FAM107A: variants seen among roughly 807,000 people sequenced by gnomAD.
The protein encoded by FAM107A is family with sequence similarity 107 member A.
Under a neutral mutation model 13.7 loss-of-function variants are expected in FAM107A, and 19 were observed. That is an observed-to-expected ratio of 1.38 (90% CI 0.97 to 2.03). The LOEUF (loss-of-function observed/expected upper bound fraction) is 2.03. Among genes scored for constraint, FAM107A ranks in the 30% most tolerant of loss-of-function variants. FAM107A has a pLI of 0.00. For missense variants in FAM107A, 203 were observed against 184.4 expected (o/e 1.10, Z -0.58); for synonymous variants, 82 against 74.5 (o/e 1.10, Z -0.52).
intron 1 of FAM107A, among the ~76,000 whole-genome samples, chr3:58,614,076 C>T (rs1000504019): frequency 3.3e-5 from 5 of 152,120 alleles, no homozygotes; most frequent in Admixed American, 3.3e-4. Flanking sequence ...CTGACTCTGG[C>T]CTGGCTCTGG....
upstream of FAM107A, among the ~76,000 whole-genome samples, chr3:58,579,000 G>T (rs2063751642): frequency 6.6e-6 from 1 of 152,204 alleles, no homozygotes; most frequent in South Asian, 2.1e-4. Flanking sequence ...TAATATCCCT[G>T]CTGTCAGGGA....
chr3:58,620,287 C>T (rs2065941319), intron 1 of FAM107A, among the ~76,000 whole-genome samples: 1 of 152,076 alleles, frequency 6.6e-6, no homozygotes, highest in Non-Finnish European at 1.5e-5. Context: ...TCATGGGGTC[C>T]CTGAGGAACT....
At chr3:58,606,959 G>C (rs1021653965) in intron 1 of FAM107A, 1 of 152,236 alleles carries the variant, frequency 6.6e-6, no homozygotes, top group Non-Finnish European at 1.5e-5. Context: ...AGCCCTGAGA[G>C]AGGGACTAGG....
intron 1 of FAM107A, among the ~76,000 whole-genome samples, chr3:58,606,269 T>C (rs148053422): frequency 2.0e-5 from 3 of 152,272 alleles, no homozygotes; most frequent in Admixed American, 2.0e-4. Context: ...CTAATTTTTG[T>C]ATTTTTAGTA....
chr3:58,599,126 G>C (rs1182760413), intron 1 of FAM107A, among the ~76,000 whole-genome samples: 1 of 152,042 alleles, frequency 6.6e-6, no homozygotes, highest in Non-Finnish European at 1.5e-5. Context: ...ATTTTTAGTA[G>C]AGATGGGTTT....
chr3:58,577,326 T>C lies in FAM107A; in HGVS notation c.-23A>G. The C allele has an allele frequency of 1.0e-6, 1 of 985,334 alleles. No homozygotes were observed. Among genetic ancestry groups the C allele is most frequent in the Non-Finnish European group, 1.2e-6 (1 of 829,912 alleles). The allele number at this position is 985,334 out of a possible 1,614,324, so 61.0% of individuals were successfully genotyped here. On this transcript the variant is annotated 5_prime_UTR_variant, in exon 1 of 4. Coordinates refer to ENST00000360997, the MANE Select transcript of FAM107A (RefSeq NM_001076778.3). This position sits in a 1 kb window ranked among gnomAD's most constrained non-coding sequence, Gnocchi z 4.9. ...GGTCTTACTTCTCAGGTCGAGTCCT[T>C]GGGAAGGGAAGTCAGGAGCGTGTTG...
chr3:58,583,173 A>AAC (rs1362250389), intron 1 of FAM107A, among the ~76,000 whole-genome samples: 2 of 152,314 alleles, frequency 1.3e-5, no homozygotes, highest in South Asian at 2.1e-4. Flanking sequence ...AACAGTGTAA[A>AAC]ACACACACAC....
rs1284908190 is a variant in FAM107A, at chr3:58,613,849, G to T, written c.-70+13567C>A. On this transcript the variant is annotated intron_variant, in intron 1 of 3. Transcript: ENST00000465970. This position sits in a 1 kb window ranked among gnomAD's most constrained non-coding sequence, Gnocchi z 4.6. ...AGAAGGCGGAAGTCCAGCCCTTACGGCCTGTCCAAGGTCTATACGTTACAT... is the reference window on the plus strand; with the variant it reads ...AGAAGGCGGAAGTCCAGCCCTTACGTCCTGTCCAAGGTCTATACGTTACAT... Among the ~76,000 whole-genome samples the T allele has an allele frequency of 6.6e-6, 1 of 152,202 alleles. No homozygotes were observed. Among genetic ancestry groups the T allele is most frequent in the Non-Finnish European group, 1.5e-5 (1 of 68,032 alleles).
intron 1 of FAM107A, chr3:58,627,029 AG>A: frequency 9.8e-6 from 15 of 1,535,488 alleles, no homozygotes; most frequent in Non-Finnish European, 1.3e-5. Context: ...GGTGGGCTGC[AG>A]GGGCCAGGCT....
chr3:58,596,465 C>T (rs939641350), intron 1 of FAM107A, among the ~76,000 whole-genome samples: 4 of 152,120 alleles, frequency 2.6e-5, no homozygotes, highest in African/African-American at 9.7e-5. Flanking sequence ...ATGGCGTGAG[C>T]TCAGGAGTTC....
At chr3:58,581,792 G>A (rs934971484), upstream of FAM107A, among the ~76,000 whole-genome samples, 2 of 152,254 alleles carry the variant, frequency 1.3e-5, no homozygotes. Context: ...ATGGGAAAGT[G>A]AGAGGGGGTG....
chr3:58,598,919 T>C (rs2065729193), intron 1 of FAM107A, among the ~76,000 whole-genome samples: 1 of 152,120 alleles, frequency 6.6e-6, no homozygotes, highest in South Asian at 2.1e-4. Flanking sequence ...AGTTGGACAT[T>C]TAGGTTGCTT....
chr3:58,588,652 A>G (rs940195357), upstream of FAM107A, among the ~76,000 whole-genome samples: 1 of 152,134 alleles, frequency 6.6e-6, no homozygotes, highest in South Asian at 2.1e-4. Context: ...ATTATATCCA[A>G]TTTACAGTTC....
At position 58,566,678 on chromosome 3, in the gene FAM107A, C is replaced by T; in HGVS notation, c.345G>A (p.Glu115=). ...QRLNQLEKPP[E]KEEDHAPEFI... is the part of the protein sequence containing the mutation. The stretch of plus-strand genomic sequence containing the variant: ...ACTCGGGGGCGTGATCCTCTTCCTT[C>T]TCTGGTGGTTTTTCCAGCTGAAGGA... The change falls in exon 4 of 4, where the codon GAG becomes GAA. Residue 115 remains glutamate (E), a synonymous_variant. Coordinates refer to ENST00000360997, the MANE Select transcript of FAM107A (RefSeq NM_001076778.3). The T allele has an allele frequency of 6.2e-7, 1 of 1,613,890 alleles. No individual in the cohort carries two copies. Among genetic ancestry groups the T allele is most frequent in the African/African-American group, 1.3e-5 (1 of 75,048 alleles).
Position 58,566,445 on chromosome 3 carries a change from C to T in FAM107A, c.*143G>A. On this transcript the variant is annotated 3_prime_UTR_variant, in exon 4 of 4. Coordinates refer to ENST00000360997, the MANE Select transcript of FAM107A (RefSeq NM_001076778.3). ...CCAGCCTCCCAGGGAGAGCCAGGCC[C>T]TCTGGGGTGACACATTTCTACAGAA... The T allele has an allele frequency of 1.5e-6, 1 of 656,500 alleles. No individual in the cohort carries two copies. The allele number at this position is 656,500 out of a possible 1,614,324, so 40.7% of individuals were successfully genotyped here. A position where few individuals can be genotyped will look rare whatever the true frequency, so the allele number is the denominator to read the frequency against.
rs199811140 is a variant in FAM107A at position 58,619,005 on chromosome 3, AT to A, written c.-70+8410del. 3.8e-3 allele frequency among the ~76,000 whole-genome samples: 572 copies of A among 151,596 alleles called. 2 individuals are homozygous for A. The highest frequency in any genetic ancestry group is 0.013 in the African/African-American group (542 of 41,338). The stretch of plus-strand genomic sequence containing the variant: ...AGTCTGAGGCAGAAACATAGTTGTG[AT>A]TTTTTTTTCCTTGAGACAAGATCTT... On this transcript the variant is annotated intron_variant, in intron 1 of 3. Coordinates refer to the FAM107A transcript ENST00000465970.
At chr3:58,581,275 C>T (rs903558205), upstream of FAM107A, among the ~76,000 whole-genome samples, 9 of 152,330 alleles carry the variant, frequency 5.9e-5, no homozygotes, top group South Asian at 1.9e-3. Context: ...CCAGAGGAAC[C>T]CAAAGGAAGG....
At position 58,566,521 on chromosome 3, in the gene FAM107A, G is replaced by A. The variant is rs2063622523; in HGVS notation, c.*67C>T. 8.7e-7 allele frequency: 1 copy of A among 1,147,078 alleles called. No homozygotes were observed. The highest frequency in any genetic ancestry group is 1.3e-6 in the Non-Finnish European group (1 of 762,844). The allele number at this position is 1,147,078 out of a possible 1,614,324, so 71.1% of individuals were successfully genotyped here. The stretch of plus-strand genomic sequence containing the variant: ...CAGGGCCTGGGGCCCAGGGCTGCCA[G>A]GTACAGAAGGGCTGAAGGAGGCTGT... On this transcript the variant is annotated 3_prime_UTR_variant, in exon 4 of 4. Transcript: ENST00000360997.
rs974168323 is a variant in FAM107A, at chr3:58,569,773, T to G, written c.88A>C (p.Lys30Gln). The change falls in exon 2 of 4, where the codon AAG becomes CAG. Residue 30 changes from lysine (K) to glutamine (Q), a missense_variant. Lys to Gln is a moderately conservative substitution (Grantham distance 53). Transcript: ENST00000360997. This position sits in a 1 kb window ranked among gnomAD's most constrained non-coding sequence, Gnocchi z 5.7. The stretch of plus-strand genomic sequence containing the variant: ...ACGGGGTTCAGCAGCTTCTTGGGCT[T>G]GATGAGCTCCGGATTCCACTCTCTG... ...EYREWNPELI[K>Q]PKKLLNPVKA... 5 of 1,614,134 alleles carry G rather than the reference T, an allele frequency of 3.1e-6. No homozygotes were observed. Among genetic ancestry groups the G allele is most frequent in the Non-Finnish European group, 4.2e-6 (5 of 1,180,004 alleles).
Sources: gnomAD v4.1 joint callset for allele counts (sites outside exome capture counted in the v4.1 genomes callset) on GRCh38, gnomAD v4.1.1 for gene constraint, Gnocchi (gnomAD v3.1) non-coding constraint, MANE v1.5 for transcripts, NCBI Gene and HGNC (gene_info 2026-07-23, HGNC 2026-07-21) for gene names.